Variants in DPH5 observed in about 807,000 individuals in gnomAD.
DPH5 encodes diphthine methyl ester synthase.
DPH5 carries 31 observed loss-of-function variants against 31.6 expected under a neutral mutation model. The ratio of observed to expected loss-of-function variants is 0.98; its 90% CI spans 0.74 to 1.32. DPH5 has a LOEUF of 1.32. Ranked by LOEUF, DPH5 falls within the 40% of genes most tolerant of loss-of-function variation. The pLI is 0.00. For missense variants in DPH5, 309 were observed against 335.7 expected, an observed-to-expected ratio of 0.92 and a Z score of 0.62; for synonymous variants, 120 against 115.0, an observed-to-expected ratio of 1.04 and a Z score of -0.28.
intron 3 of DPH5, 108 bp from the exon 4 acceptor site, chr1:101,013,926 C>A (rs1659879383): frequency 1.1e-5 from 8 of 755,218 alleles, no homozygotes; most frequent in Non-Finnish European, 1.3e-5. Flanking sequence ...CACTGCCTTT[C>A]TTCAAATTCT....
At chr1:100,997,510 C>T (rs2087591624) in intron 5 of DPH5, among the ~76,000 whole-genome samples, 1 of 147,720 alleles carries the variant, frequency 6.8e-6, no homozygotes, top group African/African-American at 2.5e-5. Context: ...AGATTACAGG[C>T]ACCTGCCACC....
rs746311294 is a variant in DPH5 at position 100,992,097 on chromosome 1, CA to C, written c.634+539del. On this transcript the variant is annotated intron_variant, in intron 7 of 7. Coordinates refer to ENST00000370109, the MANE Select transcript of DPH5 (RefSeq NM_015958.3). Reference sequence around the variant, plus strand: ...TGCGTGACAAAGTGAGACCCTCTCTCAAAAAAAAAAAAAAGAACCTCCCATA... The same window carrying C: ...TGCGTGACAAAGTGAGACCCTCTCTCAAAAAAAAAAAAAGAACCTCCCATA... Among the ~76,000 whole-genome samples the C allele has an allele frequency of 6.8e-3, 818 of 120,074 alleles. 1 individual carries two copies. The highest frequency in any genetic ancestry group is 0.011 in the African/African-American group (361 of 32,394). The allele number at this position is 120,074 out of a possible 152,430, so 78.8% of individuals were successfully genotyped here.
chr1:101,025,027 G>A (rs1283417075), intron 2 of DPH5: 1 of 325,738 alleles, frequency 3.1e-6, no homozygotes, highest in African/African-American at 2.2e-5. Flanking sequence ...TGAAATAAGG[G>A]GTTTTGATAA....
chr1:101,001,802 A>G lies in DPH5; in HGVS notation c.370-215T>C, dbSNP rs989647217. Among the ~76,000 whole-genome samples, 9 of 152,306 alleles carry G rather than the reference A, an allele frequency of 5.9e-5. No individual in the cohort carries two copies. In the South Asian group the frequency reaches 1.4e-3, roughly 25 times the overall value. ...TGCTAGTAGTAAGTAAGTTTCAGTA[A>G]TAAGTTTCTAGTATTTCTGCATTCT... On this transcript the variant is annotated intron_variant, in intron 4 of 7. Coordinates refer to ENST00000370109, the MANE Select transcript of DPH5 (RefSeq NM_015958.3).
chr1:101,002,887 T>G (rs1658975561), intron 4 of DPH5, among the ~76,000 whole-genome samples: 1 of 152,132 alleles, frequency 6.6e-6, no homozygotes. Context: ...AGGTGTTTCA[T>G]CCCTAATTCC....
At chr1:101,025,052 T>C (rs1660729210) in intron 2 of DPH5, 2 of 427,550 alleles carry the variant, frequency 4.7e-6, no homozygotes, top group Non-Finnish European at 4.2e-6. Context: ...CCCCCAGGAG[T>C]ATAAAATAGC....
At chr1:100,996,580 A>T (rs1658369285) in intron 5 of DPH5, among the ~76,000 whole-genome samples, 1 of 152,174 alleles carries the variant, frequency 6.6e-6, no homozygotes, top group South Asian at 2.1e-4. Context: ...AGTACCCAGA[A>T]GACACTCCAT....
At chr1:101,025,251 G>A in intron 2 of DPH5, 58 bp downstream of exon 2, 1 of 1,600,268 alleles carries the variant, frequency 6.2e-7, no homozygotes, top group Non-Finnish European at 8.5e-7. Flanking sequence ...CTTAGTGTAT[G>A]AAAATCAGAT....
At chr1:101,023,227 A>AATG (rs1491389354) in intron 2 of DPH5, 1 of 152,104 alleles carries the variant, frequency 6.6e-6, no homozygotes, top group Non-Finnish European at 1.5e-5. Context: ...TAATAATAAT[A>AATG]AAAAGAGTGG....
chr1:100,994,086 T>C (rs1008905201), intron 6 of DPH5, among the ~76,000 whole-genome samples: 2 of 152,194 alleles, frequency 1.3e-5, no homozygotes, highest in Admixed American at 6.5e-5. Flanking sequence ...CAAAATGTTG[T>C]AATTTAACAC....
chr1:101,004,815 C>T (rs912754031), intron 4 of DPH5, among the ~76,000 whole-genome samples: 5 of 152,054 alleles, frequency 3.3e-5, no homozygotes, highest in African/African-American at 1.2e-4. Context: ...CTGGAGAAGC[C>T]GAACATGGGG....
At chr1:101,017,670 A>G (rs746954724) in intron 3 of DPH5, among the ~76,000 whole-genome samples, 3 of 152,246 alleles carry the variant, frequency 2.0e-5, no homozygotes, top group African/African-American at 7.2e-5. Context: ...ATGCATACCA[A>G]GTAGGAAGAT....
Position 101,021,769 on chromosome 1 carries a change from C to T in DPH5, c.136-4G>A, listed in dbSNP as rs1315210345. The T allele has an allele frequency of 6.2e-7, 1 of 1,606,228 alleles. No homozygotes were observed. The highest frequency in any genetic ancestry group is 8.5e-7 in the Non-Finnish European group (1 of 1,175,446). On this transcript the variant is annotated splice_region_variant and splice_polypyrimidine_tract_variant and intron_variant, in intron 2 of 7. Transcript: ENST00000370109. ...ATTTTCTTCCATAAAACTCTTCCTA[C>T]AGATATAAGTCCAATATCAAGATAA...
chr1:100,991,813 T>C (rs1319814841), intron 7 of DPH5, among the ~76,000 whole-genome samples: 1 of 113,480 alleles, frequency 8.8e-6, no homozygotes, highest in Non-Finnish European at 1.9e-5. Flanking sequence ...AGTCTCACAG[T>C]GGGCCAGGCG....
chr1:101,002,860 GAGA>G (rs1658974295), intron 4 of DPH5, among the ~76,000 whole-genome samples: 1 of 152,128 alleles, frequency 6.6e-6, no homozygotes, highest in Non-Finnish European at 1.5e-5. Flanking sequence ...GAAGGAAACA[GAGA>G]AGGTGGGGCA....
intron 4 of DPH5, among the ~76,000 whole-genome samples, chr1:101,011,221 G>A (rs1659613383): frequency 6.7e-6 from 1 of 148,418 alleles, no homozygotes; most frequent in Admixed American, 6.7e-5. Flanking sequence ...GATTTTTAAT[G>A]CTTTTTATGT....
intron 4 of DPH5, among the ~76,000 whole-genome samples, chr1:101,007,375 T>C (rs971460150): frequency 2.0e-5 from 3 of 152,190 alleles, no homozygotes; most frequent in Admixed American, 6.5e-5. Flanking sequence ...ATTCTGTATG[T>C]CTAAGCTAAC....
chr1:101,003,511 T>C (rs181137010), intron 4 of DPH5, among the ~76,000 whole-genome samples: 1 of 152,342 alleles, frequency 6.6e-6, no homozygotes, highest in Admixed American at 6.5e-5. Flanking sequence ...TGATTAATCA[T>C]GGACAAGTCA....
intron 3 of DPH5, among the ~76,000 whole-genome samples, chr1:101,016,360 A>C (rs1660076936): frequency 6.6e-6 from 1 of 152,174 alleles, no homozygotes; most frequent in Non-Finnish European, 1.5e-5. Context: ...TCTCAAAAAA[A>C]AGAACTTTTC....
Sources: allele counts gnomAD v4.1 joint callset (sites outside exome capture counted in the v4.1 genomes callset), GRCh38; gene constraint gnomAD v4.1.1; transcripts MANE v1.5; gene names NCBI Gene and HGNC (gene_info 2026-07-23, HGNC 2026-07-21).